The following NTM variants were observed in gnomAD, a reference collection of about 807,000 sequenced individuals.
NTM encodes IgLON family member 2.
A neutral mutation model predicts 42.1 loss-of-function variants in NTM; 13 were observed. The observed-to-expected ratio is 0.31, with a 90% confidence interval of 0.20 to 0.49. NTM has a LOEUF of 0.49. Among genes scored for constraint, NTM ranks in the 20% least tolerant of loss-of-function variants. The pLI is 0.99. For missense variants in NTM, 373 were observed against 452.8 expected, an observed-to-expected ratio of 0.82 and a Z score of 1.60; for synonymous variants, 187 against 179.2, an observed-to-expected ratio of 1.04 and a Z score of -0.35.
intron 1 of NTM, among the ~76,000 whole-genome samples, chr11:131,691,992 G>A (rs886630264): frequency 6.6e-6 from 1 of 152,212 alleles, no homozygotes; most frequent in Non-Finnish European, 1.5e-5. Context: ...GCGGGCAGGC[G>A]TGGGAACTGT....
At chr11:131,756,596 G>A (rs1177328517) in intron 1 of NTM, among the ~76,000 whole-genome samples, 1 of 152,100 alleles carries the variant, frequency 6.6e-6, no homozygotes, top group East Asian at 1.9e-4. Context: ...GCTGAGGTGG[G>A]AGGTTGGCTT....
At chr11:132,264,020 C>T (rs2093028209) in intron 4 of NTM, among the ~76,000 whole-genome samples, 1 of 152,208 alleles carries the variant, frequency 6.6e-6, no homozygotes, top group African/African-American at 2.4e-5. Flanking sequence ...AGGATTCCTA[C>T]AACGGAATGG....
intron 2 of NTM, among the ~76,000 whole-genome samples, chr11:132,088,557 A>G (rs1451185597): frequency 6.6e-6 from 1 of 152,172 alleles, no homozygotes; most frequent in Non-Finnish European, 1.5e-5. Context: ...TCACACACTG[A>G]ATACCAGGCC....
chr11:131,666,215 T>C (rs948193503), intron 1 of NTM, among the ~76,000 whole-genome samples: 1 of 152,202 alleles, frequency 6.6e-6, no homozygotes, highest in Non-Finnish European at 1.5e-5. Flanking sequence ...CCCTTCACCC[T>C]GCCTATCACT....
chr11:131,698,823 AG>A (rs1195864933), intron 1 of NTM, among the ~76,000 whole-genome samples: 76 of 152,300 alleles, frequency 5.0e-4, no homozygotes, highest in Admixed American at 5.9e-4. Context: ...TGATTTGCTG[AG>A]GGATATCTGA....
At chr11:131,990,544 C>T (rs2066842344) in intron 2 of NTM, among the ~76,000 whole-genome samples, 1 of 151,612 alleles carries the variant, frequency 6.6e-6, no homozygotes, top group Admixed American at 6.6e-5. Context: ...GTGTGTGTGT[C>T]TATAAATCCA....
intron 2 of NTM, among the ~76,000 whole-genome samples, chr11:132,125,519 G>A (rs1057444011): frequency 8.8e-5 from 13 of 147,044 alleles, no homozygotes; most frequent in African/African-American, 3.0e-4. Context: ...TGTATGTGGT[G>A]TGTGTGGTGT....
chr11:131,764,706 T>G (rs543225199), intron 1 of NTM, among the ~76,000 whole-genome samples: 1 of 152,324 alleles, frequency 6.6e-6, no homozygotes, highest in South Asian at 2.1e-4. Context: ...GGGGTATAAT[T>G]GATGCCTGTT....
intron 3 of NTM, among the ~76,000 whole-genome samples, chr11:132,185,218 T>C (rs1309150995): frequency 6.6e-6 from 1 of 152,214 alleles, no homozygotes; most frequent in Non-Finnish European, 1.5e-5. Context: ...ACTCCCCCCA[T>C]ATGTGTGCAC....
chr11:131,869,853 C>T (rs1227780212), intron 1 of NTM, among the ~76,000 whole-genome samples: 1 of 152,190 alleles, frequency 6.6e-6, no homozygotes, highest in Non-Finnish European at 1.5e-5. Context: ...GCTCTGTGAG[C>T]ACGGCTCTCA....
intron 1 of NTM, among the ~76,000 whole-genome samples, chr11:131,812,289 G>A (rs1046241376): frequency 6.6e-6 from 1 of 151,390 alleles, no homozygotes; most frequent in Non-Finnish European, 1.5e-5. Flanking sequence ...TCATATGTGG[G>A]CTAATGTCTG....
chr11:131,477,485 G>A (rs1282344042), intron 1 of NTM, among the ~76,000 whole-genome samples: 1 of 151,894 alleles, frequency 6.6e-6, no homozygotes, highest in Non-Finnish European at 1.5e-5. Flanking sequence ...CACTGAGTGG[G>A]AGGGAGAGGA....
intron 2 of NTM, among the ~76,000 whole-genome samples, chr11:131,992,558 C>T (rs940489101): frequency 6.6e-6 from 1 of 152,118 alleles, no homozygotes; most frequent in Non-Finnish European, 1.5e-5. Context: ...GACCTCAATT[C>T]TGCTGTTTTC....
chr11:132,007,793 C>A (rs1265432964), intron 2 of NTM, among the ~76,000 whole-genome samples: 2 of 152,114 alleles, frequency 1.3e-5, no homozygotes, highest in Non-Finnish European at 2.9e-5. Context: ...GGATTTTCAT[C>A]TCAGGTCAGC....
intron 1 of NTM, among the ~76,000 whole-genome samples, chr11:131,834,768 G>A (rs1022795713): frequency 5.3e-5 from 8 of 151,758 alleles, no homozygotes; most frequent in Non-Finnish European, 1.0e-4. Flanking sequence ...TTTACTATTA[G>A]AGCCATGATC....
intron 2 of NTM, among the ~76,000 whole-genome samples, chr11:131,986,734 G>A (rs1217884923): frequency 6.6e-6 from 1 of 152,182 alleles, no homozygotes; most frequent in Non-Finnish European, 1.5e-5. Context: ...ATGAGGGCCA[G>A]AGATTTTTAC....
At chr11:131,726,862 C>T (rs1414753184) in intron 1 of NTM, among the ~76,000 whole-genome samples, 1 of 151,290 alleles carries the variant, frequency 6.6e-6, no homozygotes, top group Admixed American at 6.6e-5. Flanking sequence ...TACAGGTGTG[C>T]ACCACCATGC....
intron 1 of NTM, among the ~76,000 whole-genome samples, chr11:131,824,982 A>C (rs576825): frequency 0.37 from 55,603 of 152,072 alleles, 10,607 homozygotes; most frequent in South Asian, 0.47. Context: ...GTATTGCGAA[A>C]TGGATGGACT....
chr11:132,215,057 T>C (rs2083547015), intron 4 of NTM, among the ~76,000 whole-genome samples: 1 of 152,240 alleles, frequency 6.6e-6, no homozygotes. Context: ...CAGTCAGGCC[T>C]TCATCTTTCC....
Sources: gnomAD v4.1 joint callset for allele counts (sites outside exome capture counted in the v4.1 genomes callset) on GRCh38, gnomAD v4.1.1 for gene constraint, MANE v1.5 for transcripts, NCBI Gene and HGNC (gene_info 2026-07-23, HGNC 2026-07-21) for gene names.